The following UBE2D2 variants were observed in gnomAD, a reference collection of about 807,000 sequenced individuals.
UBE2D2 encodes ubiquitin conjugating enzyme E2 D2.
UBE2D2 carries 2 observed loss-of-function variants against 24.2 expected under a neutral mutation model. The ratio of observed to expected loss-of-function variants is 0.08; its 90% CI spans 0.03 to 0.26. UBE2D2 has a LOEUF of 0.26. Among genes scored for constraint, UBE2D2 ranks in the 10% least tolerant of loss-of-function variants. UBE2D2 has a pLI of 1.00. For missense variants in UBE2D2, 44 were observed against 177.6 expected (o/e 0.25, Z 4.28); for synonymous variants, 58 against 56.5 (o/e 1.03, Z -0.12).
At chr5:139,546,817 T>TCTTTCTTTCTTCCTTCCTTCCTTC (rs1203962652) in intron 1 of UBE2D2, among the ~76,000 whole-genome samples, 8 of 138,296 alleles carry the variant, frequency 5.8e-5, no homozygotes, top group Non-Finnish European at 9.3e-5. Context: ...CTTCTTTCTT[T>TCTTTCTTTCTTCCTTCCTTCCTTC]CTTCCTTCCT....
upstream of UBE2D2, among the ~76,000 whole-genome samples, chr5:139,556,276 T>C (rs1440334716): frequency 6.7e-6 from 1 of 150,198 alleles, no homozygotes; most frequent in Non-Finnish European, 1.5e-5. Flanking sequence ...CTGGGCGTGG[T>C]GGTGCATGCC....
At chr5:139,534,746 C>T (rs1431839054) in intron 1 of UBE2D2, among the ~76,000 whole-genome samples, 1 of 151,052 alleles carries the variant, frequency 6.6e-6, no homozygotes, top group Non-Finnish European at 1.5e-5. Flanking sequence ...CAAAAAAAAG[C>T]ATAAAAAAAA....
intron 1 of UBE2D2, among the ~76,000 whole-genome samples, chr5:139,540,631 A>G (rs1752747865): frequency 6.6e-6 from 1 of 151,990 alleles, no homozygotes; most frequent in Non-Finnish European, 1.5e-5. Flanking sequence ...TGCAGGTTTG[A>G]TTGTTAGCCT....
At chr5:139,597,061 T>A (rs1753977945) in intron 1 of UBE2D2, among the ~76,000 whole-genome samples, 1 of 151,126 alleles carries the variant, frequency 6.6e-6, no homozygotes, top group Non-Finnish European at 1.5e-5. Flanking sequence ...AAAATTACAT[T>A]AAAAAAAATA....
chr5:139,598,813 T>C (rs1754010666), intron 1 of UBE2D2, among the ~76,000 whole-genome samples: 1 of 151,848 alleles, frequency 6.6e-6, no homozygotes, highest in Non-Finnish European at 1.5e-5. Flanking sequence ...TGGCGCCACC[T>C]TGGCCTCCCA....
At chr5:139,536,592 G>A (rs1379793457) in intron 1 of UBE2D2, among the ~76,000 whole-genome samples, 1 of 152,068 alleles carries the variant, frequency 6.6e-6, no homozygotes. Flanking sequence ...CTGAGCTCAG[G>A]CAATTCACCC....
intron 1 of UBE2D2, among the ~76,000 whole-genome samples, chr5:139,568,209 T>C (rs1196757685): frequency 6.6e-6 from 1 of 151,786 alleles, no homozygotes; most frequent in African/African-American, 2.4e-5. Flanking sequence ...CCAGGTGTGG[T>C]GGCACTCACC....
intron 1 of UBE2D2, 79 bp downstream of exon 1, chr5:139,561,894 G>A: frequency 7.0e-7 from 1 of 1,431,552 alleles, no homozygotes; most frequent in Non-Finnish European, 9.1e-7. Context: ...GTCTCCGTCG[G>A]GCTCGCGGCC....
At chr5:139,542,333 C>A (rs28445805) in intron 1 of UBE2D2, among the ~76,000 whole-genome samples, 1 of 152,130 alleles carries the variant, frequency 6.6e-6, no homozygotes, top group Admixed American at 6.5e-5. Context: ...AACTCCCTAA[C>A]CTACTATTTT....
chr5:139,582,400 G>A (rs548267480), intron 1 of UBE2D2, among the ~76,000 whole-genome samples: 8 of 151,728 alleles, frequency 5.3e-5, no homozygotes, highest in South Asian at 2.1e-4. Flanking sequence ...TAGTAGAGAC[G>A]GGGTTTCACA....
chr5:139,549,635 C>T (rs1443146790), intron 1 of UBE2D2, among the ~76,000 whole-genome samples: 4 of 152,224 alleles, frequency 2.6e-5, no homozygotes, highest in South Asian at 2.1e-4. Context: ...CCCCCTACAC[C>T]GTGAGCTCGC....
intron 1 of UBE2D2, among the ~76,000 whole-genome samples, chr5:139,552,919 T>C (rs567096696): frequency 1.1e-4 from 16 of 152,174 alleles, no homozygotes; most frequent in African/African-American, 3.4e-4. Flanking sequence ...CGATCTCAGG[T>C]GATCCACCTG....
intron 1 of UBE2D2, among the ~76,000 whole-genome samples, chr5:139,596,445 C>T (rs892778212): frequency 1.3e-5 from 2 of 151,688 alleles, no homozygotes; most frequent in Non-Finnish European, 2.9e-5. Flanking sequence ...AGGTGTGCGC[C>T]ACCACACCCA....
chr5:139,567,955 T>G (rs1307583110), intron 1 of UBE2D2, among the ~76,000 whole-genome samples: 2 of 152,238 alleles, frequency 1.3e-5, no homozygotes, highest in Non-Finnish European at 2.9e-5. Context: ...CTCTGTAGAC[T>G]GACAATACAC....
At chr5:139,537,624 G>A (rs1752702387) in intron 1 of UBE2D2, among the ~76,000 whole-genome samples, 1 of 151,810 alleles carries the variant, frequency 6.6e-6, no homozygotes, top group East Asian at 2.0e-4. Flanking sequence ...AAAGTGCTGG[G>A]ATTATAGGCA....
intron 1 of UBE2D2, among the ~76,000 whole-genome samples, chr5:139,568,387 C>T (rs1459413354): frequency 6.6e-6 from 1 of 151,188 alleles, no homozygotes; most frequent in Non-Finnish European, 1.5e-5. Context: ...GGGCTGGGCG[C>T]TGTGGCTCAT....
intron 2 of UBE2D2, among the ~76,000 whole-genome samples, chr5:139,608,687 G>A (rs867662078): frequency 2.6e-5 from 4 of 152,156 alleles, no homozygotes; most frequent in African/African-American, 9.7e-5. Flanking sequence ...GGGATTCTGC[G>A]TTGTCCAATT....
intron 1 of UBE2D2, among the ~76,000 whole-genome samples, chr5:139,586,999 C>T (rs1753743564): frequency 6.6e-6 from 1 of 152,048 alleles, no homozygotes; most frequent in South Asian, 2.1e-4. Context: ...GTCCTTGCTC[C>T]CAGAGCTCTC....
intron 1 of UBE2D2, among the ~76,000 whole-genome samples, chr5:139,570,705 G>C (rs1753337517): frequency 6.6e-6 from 1 of 152,028 alleles, no homozygotes; most frequent in African/African-American, 2.4e-5. Context: ...TAGAGATGGG[G>C]TCTCACTATG....
Sources: allele counts gnomAD v4.1 joint callset (sites outside exome capture counted in the v4.1 genomes callset), GRCh38; gene constraint gnomAD v4.1.1; transcripts MANE v1.5; gene names NCBI Gene and HGNC (gene_info 2026-07-23, HGNC 2026-07-21).